The following CSMD1 variants were observed in gnomAD, a reference collection of about 807,000 sequenced individuals.
CSMD1 encodes the protein CUB and sushi domain-containing protein 1.
Under a neutral mutation model 417.5 loss-of-function variants are expected in CSMD1, and 213 were observed. The ratio of observed to expected loss-of-function variants is 0.51; its 90% confidence interval spans 0.46 to 0.57. CSMD1 has a LOEUF of 0.57. CSMD1 is among the 20% of genes least tolerant of loss of function. The probability of loss-of-function intolerance (pLI) is 0.00; values close to 1 mark genes in which losing one functional copy is unlikely to be tolerated. For synonymous variants in CSMD1, 2,862 were observed against 1,736.8 expected, an observed-to-expected ratio of 1.65 and a Z score of -16.11; for missense variants, 6,923 against 4,529.7, an observed-to-expected ratio of 1.53 and a Z score of -15.17.
intron 5 of CSMD1, among the ~76,000 whole-genome samples, chr8:3,810,341 T>C (rs144748644): frequency 8.0e-4 from 122 of 152,290 alleles, no homozygotes; most frequent in African/African-American, 2.5e-3. Flanking sequence ...AAAGAAATAG[T>C]GCTTCTCAGT....
chr8:3,478,964 G>A (rs768938627), intron 11 of CSMD1, among the ~76,000 whole-genome samples: 26 of 151,916 alleles, frequency 1.7e-4, no homozygotes, highest in African/African-American at 5.8e-4. Flanking sequence ...GCACTGCAAA[G>A]AGTGGTCCCT....
At chr8:4,303,642 T>C (rs1409860821) in intron 3 of CSMD1, among the ~76,000 whole-genome samples, 1 of 151,834 alleles carries the variant, frequency 6.6e-6, no homozygotes, top group Non-Finnish European at 1.5e-5. Flanking sequence ...ACTGGGAAGT[T>C]TTTCACTTTT....
intron 5 of CSMD1, among the ~76,000 whole-genome samples, chr8:3,819,315 G>A (rs545714083): frequency 6.6e-6 from 1 of 152,260 alleles, no homozygotes; most frequent in East Asian, 1.9e-4. Context: ...GCTATGAAGA[G>A]ATGAGAGAGT....
intron 3 of CSMD1, among the ~76,000 whole-genome samples, chr8:4,185,173 A>G (rs1350922793): frequency 6.6e-6 from 1 of 151,506 alleles, no homozygotes; most frequent in Non-Finnish European, 1.5e-5. Context: ...GCAAACGAAG[A>G]AAAAACCAAA....
intron 1 of CSMD1, among the ~76,000 whole-genome samples, chr8:4,986,020 G>C (rs1811161516): frequency 6.6e-6 from 1 of 152,170 alleles, no homozygotes; most frequent in East Asian, 1.9e-4. Context: ...ATCATACTCT[G>C]CAATGCTCGA....
At chr8:3,929,989 C>G (rs1449907841) in intron 5 of CSMD1, among the ~76,000 whole-genome samples, 1 of 150,214 alleles carries the variant, frequency 6.7e-6, no homozygotes, top group Non-Finnish European at 1.5e-5. Context: ...TTTTTAAAAA[C>G]TATTTTATTG....
At chr8:4,444,733 G>C (rs369577392) in intron 2 of CSMD1, among the ~76,000 whole-genome samples, 45 of 152,190 alleles carry the variant, frequency 3.0e-4, no homozygotes, top group Admixed American at 2.7e-3. Flanking sequence ...AAAATAATGA[G>C]GTAAAATGAT....
At chr8:3,771,528 G>A (rs1033169792) in intron 5 of CSMD1, among the ~76,000 whole-genome samples, 1 of 152,084 alleles carries the variant, frequency 6.6e-6, no homozygotes. Context: ...CTGCTCATTT[G>A]GGTGACTGGA....
chr8:4,070,060 G>A (rs907371049), intron 3 of CSMD1, among the ~76,000 whole-genome samples: 10 of 151,080 alleles, frequency 6.6e-5, no homozygotes, highest in Admixed American at 2.0e-4. Context: ...TATACTTTTC[G>A]CAGTGTTTTA....
At chr8:3,778,275 G>T (rs145985908) in intron 5 of CSMD1, among the ~76,000 whole-genome samples, 2 of 152,190 alleles carry the variant, frequency 1.3e-5, no homozygotes, top group Non-Finnish European at 1.5e-5. Context: ...CTATTTGCCT[G>T]TCAGTAGTTT....
At chr8:3,656,644 T>C (rs539141176) in intron 7 of CSMD1, among the ~76,000 whole-genome samples, 1 of 152,264 alleles carries the variant, frequency 6.6e-6, no homozygotes, top group African/African-American at 2.4e-5. Flanking sequence ...ACAAAGGCTT[T>C]AGGCCAGGCG....
chr8:3,572,140 G>C (rs1048566341), intron 10 of CSMD1, among the ~76,000 whole-genome samples: 1 of 152,196 alleles, frequency 6.6e-6, no homozygotes, highest in Non-Finnish European at 1.5e-5. Flanking sequence ...TCACCTCAGA[G>C]TTTTCTGCCC....
chr8:3,317,424 C>CTCAA (rs954312331), intron 23 of CSMD1, among the ~76,000 whole-genome samples: 3 of 152,190 alleles, frequency 2.0e-5, no homozygotes, highest in South Asian at 4.1e-4. Context: ...AACATTGACA[C>CTCAA]TCAATCACAC....
chr8:4,736,539 C>A (rs1294504698), intron 1 of CSMD1, among the ~76,000 whole-genome samples: 1 of 152,116 alleles, frequency 6.6e-6, no homozygotes, highest in African/African-American at 2.4e-5. Context: ...AGCATGACAG[C>A]TGCGGGAAAA....
At chr8:3,484,698 G>A (rs1445556761) in intron 11 of CSMD1, among the ~76,000 whole-genome samples, 3 of 152,166 alleles carry the variant, frequency 2.0e-5, no homozygotes, top group Non-Finnish European at 4.4e-5. Context: ...ATTCTACAAA[G>A]CACTAATATC....
intron 3 of CSMD1, among the ~76,000 whole-genome samples, chr8:4,224,808 T>C (rs1316404895): frequency 6.6e-6 from 1 of 152,214 alleles, no homozygotes; most frequent in African/African-American, 2.4e-5. Flanking sequence ...GTTCATAATA[T>C]TCCTCATCAT....
At chr8:4,035,945 A>C (rs1259250277) in intron 3 of CSMD1, among the ~76,000 whole-genome samples, 2 of 152,146 alleles carry the variant, frequency 1.3e-5, no homozygotes, top group African/African-American at 4.8e-5. Context: ...CACAAACTCT[A>C]TTCACGGTAA....
intron 1 of CSMD1, among the ~76,000 whole-genome samples, chr8:4,945,683 C>T (rs1421798700): frequency 6.6e-6 from 1 of 151,998 alleles, no homozygotes; most frequent in East Asian, 1.9e-4. Context: ...TTCAAGAGAA[C>T]TTGGCATTAA....
In CSMD1 at chr8:4,596,057, A is replaced by G. The variant is rs539452831; in HGVS notation, c.302+41285T>C. Among the ~76,000 whole-genome samples the G allele has an allele frequency of 1.8e-4, 28 of 152,226 alleles. No homozygotes were observed. In the South Asian group the frequency reaches 5.8e-3, roughly 32 times the overall value. On this transcript the variant is annotated intron_variant, in intron 2 of 69. Transcript: ENST00000635120. ...GCCACACTGCCCACAGCATGGCCCA[A>G]CCTTGCTCCTTTCTCTCAAGGGCCA...
Sources: allele counts gnomAD v4.1 joint callset (sites outside exome capture counted in the v4.1 genomes callset), GRCh38; gene constraint gnomAD v4.1.1; transcripts MANE v1.5; gene names NCBI Gene and HGNC (gene_info 2026-07-23, HGNC 2026-07-21).